Variants in PGLYRP2 observed in about 807,000 individuals in gnomAD.
PGLYRP2 encodes the protein N-acetylmuramoyl-L-alanine amidase.
In PGLYRP2, 38 loss-of-function variants were observed where a neutral mutation model predicts 46.2. The ratio of observed to expected loss-of-function variants is 0.82; its 90% CI spans 0.64 to 1.08. The LOEUF is 1.08. Among genes scored for constraint, PGLYRP2 ranks in the 50% least tolerant of loss-of-function variants. PGLYRP2 has a pLI of 0.00. For synonymous variants in PGLYRP2, 289 were observed against 329.4 expected (o/e 0.88, Z 1.33); for missense variants, 713 against 755.9 (o/e 0.94, Z 0.67).
rs760547364 is a variant in PGLYRP2 at position 15,475,831 on chromosome 19, A to AC, written c.838dup (p.Val280GlyfsTer12). On this transcript the variant is annotated frameshift_variant, in exon 2 of 5. Coordinates refer to ENST00000340880, the MANE Select transcript of PGLYRP2 (RefSeq NM_052890.4). LOFTEE classifies it high-confidence loss of function. ...CCGGCTCAGGTAGTCTCCAAGGATG[A>AC]CCCCATCCAGGGCGCCATTGAGGAA... is the stretch of plus-strand genomic sequence containing the variant. 1 of 1,613,966 alleles carries AC rather than the reference A, an allele frequency of 6.2e-7. No homozygotes were observed.
intron 1 of PGLYRP2, among the ~76,000 whole-genome samples, chr19:15,477,507 G>A (rs1244914131): frequency 6.6e-6 from 1 of 151,414 alleles, no homozygotes; most frequent in Non-Finnish European, 1.5e-5. Context: ...GGACCAGCCG[G>A]ATCAACATGG....
At position 15,475,636 on chromosome 19, in the gene PGLYRP2, C is replaced by T. The variant is rs775012681; in HGVS notation, c.1034G>A (p.Arg345Lys). 2 of 1,614,190 alleles carry T rather than the reference C, an allele frequency of 1.2e-6. No homozygotes were observed. The highest frequency in any genetic ancestry group is 2.2e-5 in the South Asian group (2 of 91,088). ...AAGCTGGAGGTGTACTGGCTCCAGC[C>T]TCTGTAGAAGGACAAGGGTTCCCCA... ...QVWGTLVLLQ[R>K]LEPVHLQLQC... The change falls in exon 2 of 5, where the codon AGG becomes AAG. Residue 345 changes from arginine (R) to lysine (K), a missense_variant. Transcript: ENST00000340880.
chr19:15,475,920 G>A lies in PGLYRP2; in HGVS notation c.750C>T (p.Asp250=), dbSNP rs781574082. 21 of 1,614,156 alleles carry A rather than the reference G, an allele frequency of 1.3e-5. No individual in the cohort carries two copies. In the South Asian group the frequency reaches 2.2e-4, roughly 17 times the overall value. The change falls in exon 2 of 5, where the codon GAC becomes GAT. Residue 250 remains aspartate, a synonymous_variant. Transcript: ENST00000340880. The part of the protein sequence containing the change: ...HPDLGTEGCW[D]QLSAPRTFTL... ...TAAAGGTCCGAGGGGCAGAGAGCTG[G>A]TCCCAGCAGCCCTCAGTTCCCAGGT...
chr19:15,475,470 GA>G, intron 2 of PGLYRP2, 67 bp downstream of exon 2: 2 of 1,446,856 alleles, frequency 1.4e-6, no homozygotes, highest in Non-Finnish European at 1.9e-6. Context: ...CAACTTCCCT[GA>G]ATATACGGGG....
intron 1 of PGLYRP2, among the ~76,000 whole-genome samples, chr19:15,478,243 G>A (rs1298250674): frequency 1.3e-5 from 2 of 151,946 alleles, no homozygotes; most frequent in African/African-American, 4.8e-5. Flanking sequence ...GCTACTTGGG[G>A]GGCTGAGGCA....
At chr19:15,470,768 C>T (rs1438587970) in intron 3 of PGLYRP2, among the ~76,000 whole-genome samples, 1 of 151,898 alleles carries the variant, frequency 6.6e-6, no homozygotes, top group East Asian at 1.9e-4. Flanking sequence ...TCTCAGCCTC[C>T]CGACTAGCTG....
At chr19:15,470,651 C>T (rs1970739845) in intron 3 of PGLYRP2, among the ~76,000 whole-genome samples, 1 of 149,424 alleles carries the variant, frequency 6.7e-6, no homozygotes, top group African/African-American at 2.5e-5. Flanking sequence ...CTTCCCTTCC[C>T]TTCCCTTTTG....
chr19:15,475,628 G>A lies in PGLYRP2; in HGVS notation c.1042C>T (p.Pro348Ser), dbSNP rs200031382. The A allele has an allele frequency of 6.2e-7, 1 of 1,614,138 alleles. No homozygotes were observed. Among genetic ancestry groups the A allele is most frequent in the South Asian group, 1.1e-5 (1 of 91,084 alleles). The change falls in exon 2 of 5, where the codon CCA becomes TCA. Residue 348 changes from proline to serine, a missense_variant. Physicochemically the swap from Pro to Ser is moderately conservative, Grantham distance 74. Transcript: ENST00000340880. Reference sequence around the variant, plus strand: ...ATGCACTGAAGCTGGAGGTGTACTGGCTCCAGCCTCTGTAGAAGGACAAGG... The same window carrying A: ...ATGCACTGAAGCTGGAGGTGTACTGACTCCAGCCTCTGTAGAAGGACAAGG... ...GTLVLLQRLE[P>S]VHLQLQCMSQ...
chr19:15,469,939 G>A lies in PGLYRP2; in HGVS notation c.1344-10C>T. 1 of 1,414,404 alleles carries A rather than the reference G, an allele frequency of 7.1e-7. No homozygotes were observed. The highest frequency in any genetic ancestry group is 1.6e-5 in the South Asian group (1 of 62,960). 87.6% of individuals were successfully genotyped at this position (1,414,404 alleles called of 1,614,324 possible). A position where few individuals can be genotyped will look rare whatever the true frequency, so the allele number is the denominator to read the frequency against. On this transcript the variant is annotated splice_polypyrimidine_tract_variant and intron_variant, in intron 3 of 4. Transcript: ENST00000340880. The surrounding 1 kb of genome is among the most constrained non-coding windows in gnomAD (Gnocchi z 4.9). ...CGAGCCCACCACGAAACTGCAGAGGGGAGGGAGAAGCAAGCACCATGCGGC... is the reference window on the plus strand; with the variant it reads ...CGAGCCCACCACGAAACTGCAGAGGAGAGGGAGAAGCAAGCACCATGCGGC...
intron 1 of PGLYRP2, 63 bp from the exon 2 acceptor site, chr19:15,476,671 C>G: frequency 7.6e-7 from 1 of 1,314,148 alleles, no homozygotes; most frequent in Middle Eastern, 2.7e-4. Context: ...TGTATTGATT[C>G]CACATCTACC....
In PGLYRP2 at chr19:15,479,425, C is replaced by G. The variant is rs1289616987; in HGVS notation, c.-54G>C. Reference sequence around the variant, plus strand: ...ATTTCTGGTTGGCCTCGGCAGAGAACCTCGGCAGTGCTGGAGGGAGACAGG... The same window carrying G: ...ATTTCTGGTTGGCCTCGGCAGAGAAGCTCGGCAGTGCTGGAGGGAGACAGG... On this transcript the variant is annotated 5_prime_UTR_variant, in exon 1 of 5. Coordinates refer to ENST00000340880, the MANE Select transcript of PGLYRP2 (RefSeq NM_052890.4). 7.1e-6 allele frequency: 11 copies of G among 1,559,230 alleles called. No homozygotes were observed. Among genetic ancestry groups the G allele is most frequent in the Non-Finnish European group, 9.7e-6 (11 of 1,137,372 alleles).
At position 15,469,368 on chromosome 19, in the gene PGLYRP2, T is replaced by C; in HGVS notation, c.1641+264A>G. Reference sequence around the variant, plus strand: ...TGCCTTGGCTGGAAAGGTAGAGGTATTAGGAGCTGGGGAAAGGACAGGCTG... The same window carrying C: ...TGCCTTGGCTGGAAAGGTAGAGGTACTAGGAGCTGGGGAAAGGACAGGCTG... On this transcript the variant is annotated intron_variant, in intron 4 of 4. Coordinates refer to ENST00000340880, the MANE Select transcript of PGLYRP2 (RefSeq NM_052890.4). The surrounding 1 kb of genome is among the most constrained non-coding windows in gnomAD (Gnocchi z 4.9). 1 of 692,622 alleles carries C rather than the reference T, an allele frequency of 1.4e-6. No homozygotes were observed. The highest frequency in any genetic ancestry group is 2.6e-6 in the Non-Finnish European group (1 of 380,132). 42.9% of individuals were successfully genotyped at this position (692,622 alleles called of 1,614,324 possible).
chr19:15,469,720 G>C lies in PGLYRP2; in HGVS notation c.1553C>G (p.Ala518Gly), dbSNP rs1189035814. Reference protein sequence around the residue: ...VRAGLLRPDYALLGHRQLVRT... With the variant: ...VRAGLLRPDYGLLGHRQLVRT... ...CACCAGCTGGCGGTGGCCCAGCAGC[G>C]CGTAGTCTGGCCGCAGGAGGCCGGC... Residue 518 changes from alanine to glycine, a missense_variant, in exon 4 of 5, where the codon GCG (alanine) becomes GGG (glycine). Coordinates refer to ENST00000340880, the MANE Select transcript of PGLYRP2 (RefSeq NM_052890.4). This position sits in a 1 kb window ranked among gnomAD's most constrained non-coding sequence, Gnocchi z 4.9. 3 of 1,497,026 alleles carry C rather than the reference G, an allele frequency of 2.0e-6. No homozygotes were observed. In the Admixed American group the frequency reaches 6.4e-5, roughly 32 times the overall value. The allele number at this position is 1,497,026 out of a possible 1,614,324, so 92.7% of individuals were successfully genotyped here.
Position 15,469,388 on chromosome 19 carries a change from A to T in PGLYRP2, c.1641+244T>A. 1 of 710,318 alleles carries T rather than the reference A, an allele frequency of 1.4e-6. No individual in the cohort carries two copies. The highest frequency in any genetic ancestry group is 2.5e-6 in the Non-Finnish European group (1 of 392,598). 44.0% of individuals were successfully genotyped at this position (710,318 alleles called of 1,614,324 possible). On this transcript the variant is annotated intron_variant, in intron 4 of 4. Coordinates refer to ENST00000340880, the MANE Select transcript of PGLYRP2 (RefSeq NM_052890.4). The surrounding 1 kb of genome is among the most constrained non-coding windows in gnomAD (Gnocchi z 4.9). The stretch of plus-strand genomic sequence containing the variant: ...AGGTATTAGGAGCTGGGGAAAGGAC[A>T]GGCTGGCTGGGTCTGGGGCTGAGCT...
intron 2 of PGLYRP2, among the ~76,000 whole-genome samples, chr19:15,472,480 C>T (rs1323616785): frequency 6.6e-6 from 1 of 151,938 alleles, no homozygotes; most frequent in Non-Finnish European, 1.5e-5. Context: ...ATCCCAGCTA[C>T]TTGGGAAGCT....
intron 2 of PGLYRP2, among the ~76,000 whole-genome samples, chr19:15,474,128 G>A (rs2145517817): frequency 6.6e-6 from 1 of 152,286 alleles, no homozygotes; most frequent in Admixed American, 6.5e-5. Flanking sequence ...CTGAGGTTAG[G>A]AGTTTGAGAC....
intron 3 of PGLYRP2, among the ~76,000 whole-genome samples, chr19:15,470,241 T>TTTCCTTCCTTCCTTCCTTCCTTCCTTCC (rs71176417): frequency 1.0e-5 from 1 of 100,038 alleles, no homozygotes; most frequent in African/African-American, 3.8e-5. Flanking sequence ...GTTTTTTTTC[T>TTTCCTTCCTTCCTTCCTTCCTTCCTTCC]TTCCTTCCTT....
intron 2 of PGLYRP2, among the ~76,000 whole-genome samples, chr19:15,473,207 C>T (rs375120413): frequency 1.3e-5 from 2 of 152,040 alleles, no homozygotes; most frequent in South Asian, 2.1e-4. Flanking sequence ...CGCTAGCTCA[C>T]GCCTGTAATC....
At chr19:15,468,785 G>T in intron 4 of PGLYRP2, 33 bp from the exon 5 acceptor site, 1 of 1,565,192 alleles carries the variant, frequency 6.4e-7, no homozygotes, top group Non-Finnish European at 8.7e-7. Context: ...GAGGCTTGGG[G>T]GTGGTTGTGG....
Sources: allele counts gnomAD v4.1 joint callset (sites outside exome capture counted in the v4.1 genomes callset), GRCh38; gene constraint gnomAD v4.1.1; non-coding constraint Gnocchi (gnomAD v3.1); transcripts MANE v1.5; gene names NCBI Gene and HGNC (gene_info 2026-07-23, HGNC 2026-07-21).